Variants in ATAD2 observed in about 807,000 individuals in gnomAD.
The protein encoded by ATAD2 is ATPase family AAA domain containing 2.
In ATAD2, 62 loss-of-function variants were observed where a neutral mutation model predicts 168.9. That is an observed-to-expected ratio of 0.37 (90% CI 0.30 to 0.45). ATAD2 has a LOEUF of 0.45. ATAD2 is among the 20% of genes least tolerant of loss of function. ATAD2 has a pLI of 1.00. For missense variants in ATAD2, 1,419 were observed against 1,667.8 expected (o/e 0.85, Z 2.60); for synonymous variants, 613 against 571.6 (o/e 1.07, Z -1.03).
At position 123,402,125 on chromosome 8, in the gene ATAD2, AGGT is replaced by A; in HGVS notation, c.-2281-953_-2281-951del. 1 of 853,060 alleles carries A rather than the reference AGGT, an allele frequency of 1.2e-6. No individual in the cohort carries two copies. The highest frequency in any genetic ancestry group is 1.9e-5 in the Admixed American group (1 of 52,398). 52.8% of individuals were successfully genotyped at this position (853,060 alleles called of 1,614,324 possible). A position where few individuals can be genotyped will look rare whatever the true frequency, so the allele number is the denominator to read the frequency against. ...GCTGTACTGACAGCAGTGGAGGCCG[AGGT>A]GGTGGAGGGGGCACCCCCCAGTGTC... On this transcript the variant is annotated intron_variant, in intron 1 of 28. Coordinates refer to the ATAD2 transcript ENST00000521903. The surrounding 1 kb of genome is among the most constrained non-coding windows in gnomAD (Gnocchi z 4.8).
upstream of ATAD2, among the ~76,000 whole-genome samples, chr8:123,397,300 T>G (rs892891600): frequency 2.7e-5 from 4 of 149,740 alleles, no homozygotes; most frequent in Non-Finnish European, 4.4e-5. Flanking sequence ...GACTCCCAGT[T>G]AAATGTGAAG....
Position 123,347,074 on chromosome 8 carries a change from G to A in ATAD2, c.2212+18C>T. 6.3e-7 allele frequency: 1 copy of A among 1,577,028 alleles called. No individual in the cohort carries two copies. Among genetic ancestry groups the A allele is most frequent in the Non-Finnish European group, 8.6e-7 (1 of 1,159,008 alleles). On this transcript the variant is annotated intron_variant, in intron 16 of 27. Coordinates refer to ENST00000287394, the MANE Select transcript of ATAD2 (RefSeq NM_014109.4). ...TGATTATAAAAACTAACTTTAAATG[G>A]TCAATCAAGTTTTATACCTGAGTCT...
intron 1 of ATAD2, among the ~76,000 whole-genome samples, chr8:123,412,597 TAAA>T (rs376019222): frequency 1.4e-3 from 212 of 151,048 alleles, no homozygotes; most frequent in Middle Eastern, 6.8e-3. Flanking sequence ...CCTGGCTAAT[TAAA>T]AAAAATTTTT....
chr8:123,329,268 C>T (rs1444792192), intron 24 of ATAD2, among the ~76,000 whole-genome samples: 1 of 152,062 alleles, frequency 6.6e-6, no homozygotes, highest in East Asian at 1.9e-4. Context: ...GTACTAGAAA[C>T]TATCTTACTA....
Position 123,381,877 on chromosome 8 carries a change from T to C in ATAD2, c.172-1200A>G, listed in dbSNP as rs143163749. Among the ~76,000 whole-genome samples the C allele has an allele frequency of 6.6e-5, 10 of 152,164 alleles. No individual in the cohort carries two copies. The East Asian group carries it at 1.9e-3, about 29-fold the overall frequency. Reference sequence around the variant, plus strand: ...CCATGGCCAACATTGTGAAACCCCGTCTCTACTAAAATACAAAAATGAGCT... The same window carrying C: ...CCATGGCCAACATTGTGAAACCCCGCCTCTACTAAAATACAAAAATGAGCT... On this transcript the variant is annotated intron_variant, in intron 1 of 27. Coordinates refer to ENST00000287394, the MANE Select transcript of ATAD2 (RefSeq NM_014109.4).
intron 24 of ATAD2, among the ~76,000 whole-genome samples, chr8:123,331,047 T>C (rs1207626393): frequency 1.3e-5 from 2 of 151,832 alleles, no homozygotes; most frequent in Non-Finnish European, 2.9e-5. Flanking sequence ...CCTCAGTCCC[T>C]TGAGGGCTGG....
chr8:123,401,008 A>G, upstream of ATAD2: 3 of 1,508,816 alleles, frequency 2.0e-6, no homozygotes, highest in Non-Finnish European at 1.8e-6. Context: ...TATCCCCATC[A>G]CTGAGACAGG....
At chr8:123,361,292 G>A (rs1586882984) in intron 9 of ATAD2, among the ~76,000 whole-genome samples, 1 of 150,512 alleles carries the variant, frequency 6.6e-6, no homozygotes, top group Non-Finnish European at 1.5e-5. Context: ...ACTCCAGCCT[G>A]GGCAACAGAA....
At chr8:123,337,053 C>CAAAAAA (rs58960333) in intron 21 of ATAD2, among the ~76,000 whole-genome samples, 1 of 62,008 alleles carries the variant, frequency 1.6e-5, no homozygotes, top group African/African-American at 4.6e-5. Context: ...ACCCTTACTA[C>CAAAAAA]AAAAAAAAAA....
chr8:123,389,675 T>G (rs1227487787), intron 1 of ATAD2, among the ~76,000 whole-genome samples: 1 of 151,520 alleles, frequency 6.6e-6, no homozygotes, highest in African/African-American at 2.4e-5. Context: ...AATGGTCTAC[T>G]GCTCACTTCT....
At chr8:123,382,769 T>C (rs764186116) in intron 1 of ATAD2, among the ~76,000 whole-genome samples, 2 of 152,204 alleles carry the variant, frequency 1.3e-5, no homozygotes, top group African/African-American at 2.4e-5. Context: ...AGTTCAACCA[T>C]TGTGGAAGAC....
intron 2 of ATAD2, among the ~76,000 whole-genome samples, chr8:123,378,038 AC>A (rs1348287994): frequency 6.6e-6 from 1 of 152,198 alleles, no homozygotes; most frequent in Non-Finnish European, 1.5e-5. Context: ...CCACTACCTT[AC>A]CTCAGAAGAA....
chr8:123,405,887 T>C (rs1016532127), intron 1 of ATAD2, among the ~76,000 whole-genome samples: 3 of 152,238 alleles, frequency 2.0e-5, no homozygotes, highest in African/African-American at 7.2e-5. Context: ...ATTGTATCTG[T>C]AGAATAAATT....
intron 1 of ATAD2, among the ~76,000 whole-genome samples, chr8:123,394,650 AG>A (rs1812747017): frequency 6.6e-6 from 1 of 152,068 alleles, no homozygotes; most frequent in Non-Finnish European, 1.5e-5. Flanking sequence ...AAAAAAAAAG[AG>A]CCTATGTATT....
At chr8:123,389,985 T>TATATATATATATATATA (rs1554647643) in intron 1 of ATAD2, among the ~76,000 whole-genome samples, 6 of 70,772 alleles carry the variant, frequency 8.5e-5, no homozygotes, top group Admixed American at 1.6e-4. Context: ...TATATATATA[T>TATATATATATATATATA]TTTTTTTTTT....
At chr8:123,329,655 C>T (rs1207586867) in intron 24 of ATAD2, among the ~76,000 whole-genome samples, 2 of 147,116 alleles carry the variant, frequency 1.4e-5, no homozygotes, top group African/African-American at 2.5e-5. Context: ...CCCAGCTACT[C>T]GCAGGAGAAT....
chr8:123,383,589 T>G (rs904279439), intron 1 of ATAD2, among the ~76,000 whole-genome samples: 1 of 150,712 alleles, frequency 6.6e-6, no homozygotes, highest in Non-Finnish European at 1.5e-5. Flanking sequence ...CTGACCAACA[T>G]GGAGAAACCC....
At chr8:123,356,652 ATTTTTT>A (rs1027047443) in intron 12 of ATAD2, among the ~76,000 whole-genome samples, 175 bp from the exon 13 acceptor site, 1 of 143,438 alleles carries the variant, frequency 7.0e-6, no homozygotes, top group Non-Finnish European at 1.5e-5. Flanking sequence ...TTTATATATA[ATTTTTT>A]TTTTTTTTTG....
chr8:123,388,931 C>A, intron 1 of ATAD2, among the ~76,000 whole-genome samples: 1 of 151,770 alleles, frequency 6.6e-6, no homozygotes, highest in South Asian at 2.1e-4. Flanking sequence ...TTGCTTCAGA[C>A]CTCCTTAATT....
Sources: allele counts gnomAD v4.1 joint callset (sites outside exome capture counted in the v4.1 genomes callset), GRCh38; gene constraint gnomAD v4.1.1; non-coding constraint Gnocchi (gnomAD v3.1); transcripts MANE v1.5; gene names NCBI Gene and HGNC (gene_info 2026-07-23, HGNC 2026-07-21).